GPC4: variants seen among roughly 807,000 people sequenced by gnomAD.
GPC4 encodes the protein glypican-4.
GPC4 carries 10 observed loss-of-function variants against 35.0 expected under a neutral mutation model. The ratio of observed to expected loss-of-function variants is 0.29; its 90% confidence interval spans 0.18 to 0.48. GPC4 has a LOEUF of 0.48. GPC4 is among the 20% of genes least tolerant of loss of function. The pLI is 0.99. For synonymous variants in GPC4, 167 were observed against 170.2 expected, an observed-to-expected ratio of 0.98 and a Z score of 0.15; for missense variants, 322 against 451.3, an observed-to-expected ratio of 0.71 and a Z score of 2.60.
intron 1 of GPC4, among the ~76,000 whole-genome samples, chrX:133,393,898 C>A (rs1026969665): frequency 1.8e-5 from 2 of 111,652 alleles, no homozygotes; most frequent in Non-Finnish European, 3.8e-5. Flanking sequence ...CTGTATAAAA[C>A]CACAAAAGCA....
In GPC4 at chrX:133,389,091, G is replaced by T. The variant is rs1191800537; in HGVS notation, c.160+25715C>A. Among the ~76,000 whole-genome samples the T allele has an allele frequency of 2.8e-5, 3 of 108,504 alleles. No individual in the cohort carries two copies. In the East Asian group the frequency reaches 8.9e-4, roughly 32 times the overall value. The allele number at this position is 108,504 out of a possible 115,157, so 94.2% of individuals were successfully genotyped here. ...CCCACCTCAGCCTCCTGAATACCTG[G>T]AACTACAGGCGTGCGCCACTATACC... is the stretch of plus-strand genomic sequence containing the variant. On this transcript the variant is annotated intron_variant, in intron 1 of 8. Coordinates refer to ENST00000370828, the MANE Select transcript of GPC4 (RefSeq NM_001448.3).
intron 1 of GPC4, among the ~76,000 whole-genome samples, chrX:133,404,826 T>A (rs1411586249): frequency 3.7e-5 from 3 of 80,500 alleles, no homozygotes; most frequent in African/African-American, 1.8e-4. Flanking sequence ...CATTCCAGCC[T>A]GGACAAAAGA....
chrX:133,392,363 G>A (rs1216224128), intron 1 of GPC4, among the ~76,000 whole-genome samples: 1 of 104,459 alleles, frequency 9.6e-6, no homozygotes, highest in African/African-American at 3.5e-5. Flanking sequence ...GCAAATCAGG[G>A]CTACTGGGAG....
chrX:133,415,291 C>T lies in GPC4; in HGVS notation c.-326G>A. ...CAGCGAACCCGGCAAGCTGACTGGC[C>T]GGCGAGGCGGGGACGCGGGGAAGGA... On this transcript the variant is annotated 5_prime_UTR_variant, in exon 1 of 9. Coordinates refer to ENST00000370828, the MANE Select transcript of GPC4 (RefSeq NM_001448.3). 4.4e-6 allele frequency: 1 copy of T among 229,167 alleles called. No individual in the cohort carries two copies. Among genetic ancestry groups the T allele is most frequent in the Non-Finnish European group, 7.8e-6 (1 of 128,960 alleles). 18.9% of individuals were successfully genotyped at this position (229,167 alleles called of 1,213,427 possible). A position where few individuals can be genotyped will look rare whatever the true frequency, so the allele number is the denominator to read the frequency against.
chrX:133,390,162 C>G (rs909600724), intron 1 of GPC4, among the ~76,000 whole-genome samples: 1 of 111,111 alleles, frequency 9.0e-6, no homozygotes, highest in Admixed American at 9.7e-5. Flanking sequence ...CTCCAGCTGT[C>G]TCAAAAAAGC....
intron 1 of GPC4, among the ~76,000 whole-genome samples, chrX:133,357,334 A>G (rs1384448601): frequency 9.4e-6 from 1 of 106,330 alleles, no homozygotes; most frequent in Non-Finnish European, 1.9e-5. Context: ...CAGTGAACCA[A>G]GATAGCACCA....
intron 1 of GPC4, chrX:133,414,600 G>T: frequency 1.3e-6 from 1 of 754,474 alleles, no homozygotes; most frequent in Non-Finnish European, 1.6e-6. Context: ...GTGCTGGGAA[G>T]GGGGGAGCGC....
At chrX:133,371,039 G>A (rs760101147) in intron 1 of GPC4, among the ~76,000 whole-genome samples, 62 of 111,816 alleles carry the variant, frequency 5.5e-4, no homozygotes, top group Non-Finnish European at 9.6e-4. Flanking sequence ...GTTAATATGC[G>A]CGTCTCTGTG....
intron 3 of GPC4, among the ~76,000 whole-genome samples, chrX:133,313,503 T>G (rs966729792): frequency 8.9e-6 from 1 of 112,392 alleles, no homozygotes; most frequent in African/African-American, 3.2e-5. Flanking sequence ...CCAGATTTGC[T>G]GGACAGCTGA....
chrX:133,391,985 C>A (rs1240369315), intron 1 of GPC4, among the ~76,000 whole-genome samples: 1 of 111,195 alleles, frequency 9.0e-6, no homozygotes, highest in Non-Finnish European at 1.9e-5. Flanking sequence ...GTAATCCCAG[C>A]ACTTTGGGAG....
intron 2 of GPC4, among the ~76,000 whole-genome samples, chrX:133,338,526 T>G (rs1022283800): frequency 9.8e-5 from 11 of 112,000 alleles, no homozygotes; most frequent in Non-Finnish European, 1.7e-4. Context: ...ATATTGGCTA[T>G]TTCTTCAATA....
At chrX:133,398,645 G>C (rs767442623) in intron 1 of GPC4, among the ~76,000 whole-genome samples, 204 of 110,293 alleles carry the variant, frequency 1.8e-3, no homozygotes, top group African/African-American at 6.2e-3. Flanking sequence ...GCAAGCACCT[G>C]TAATCCCAGT....
chrX:133,405,655 A>C (rs1603100098), intron 1 of GPC4, among the ~76,000 whole-genome samples: 1 of 111,622 alleles, frequency 9.0e-6, no homozygotes, highest in African/African-American at 3.3e-5. Context: ...CCTGCCTCTA[A>C]CACGATCCCT....
In GPC4 at chrX:133,311,334, G is replaced by A. The variant is rs756163452; in HGVS notation, c.801C>T (p.Tyr267=). Residue 267 remains tyrosine, a synonymous_variant, in exon 4 of 9, where the codon TAC becomes TAT. Transcript: ENST00000370828. ...CTCTCATGATGTTTGAGCAGTAGTT[G>A]TAACATGGCTTCACAGTCACGAGAC... ...CRGLVTVKPC[Y]NYCSNIMRGC... 8.3e-7 allele frequency: 1 copy of A among 1,209,802 alleles called. No individual in the cohort carries two copies. Among genetic ancestry groups the A allele is most frequent in the South Asian group, 1.8e-5 (1 of 56,811 alleles).
At chrX:133,314,667 GA>G (rs1165460096) in intron 3 of GPC4, among the ~76,000 whole-genome samples, 1 of 111,172 alleles carries the variant, frequency 9.0e-6, no homozygotes, top group African/African-American at 3.3e-5. Flanking sequence ...TCAAAGTTAG[GA>G]AAAAAAATCT....
intron 1 of GPC4, among the ~76,000 whole-genome samples, chrX:133,358,014 C>G (rs1201309652): frequency 1.8e-5 from 2 of 111,500 alleles, no homozygotes; most frequent in East Asian, 5.6e-4. Context: ...CTAAAAATTA[C>G]AGACCAAATG....
intron 3 of GPC4, among the ~76,000 whole-genome samples, chrX:133,321,621 A>G (rs1226054113): frequency 8.9e-6 from 1 of 112,453 alleles, no homozygotes; most frequent in Non-Finnish European, 1.9e-5. Context: ...TGGAGGATGA[A>G]CATGAGGAAT....
intron 6 of GPC4, 22 bp downstream of exon 6, chrX:133,305,750 C>T: frequency 8.3e-7 from 1 of 1,207,361 alleles, no homozygotes; most frequent in Non-Finnish European, 1.1e-6. Context: ...TTAAACACGG[C>T]CCTTCCTGCC....
At chrX:133,376,275 TACCCCGG>T (rs2068632755) in intron 1 of GPC4, among the ~76,000 whole-genome samples, 1 of 111,824 alleles carries the variant, frequency 8.9e-6, no homozygotes, top group Non-Finnish European at 1.9e-5. Flanking sequence ...GCACACAACC[TACCCCGG>T]GCTCTCCCCT....
Sources: gnomAD v4.1 joint callset for allele counts (sites outside exome capture counted in the v4.1 genomes callset) on GRCh38, gnomAD v4.1.1 for gene constraint, MANE v1.5 for transcripts, NCBI Gene and HGNC (gene_info 2026-07-23, HGNC 2026-07-21) for gene names.